Variants in GALNTL6 observed in about 807,000 individuals in gnomAD.
GALNTL6 encodes the protein polypeptide N-acetylgalactosaminyltransferase like 6, also known as polypeptide N-acetylgalactosaminyltransferase-like 6.
GALNTL6 carries 46 observed loss-of-function variants against 73.7 expected under a neutral mutation model. The ratio of observed to expected loss-of-function variants is 0.62; its 90% CI spans 0.49 to 0.80. The LOEUF (loss-of-function observed/expected upper bound fraction) is 0.80. GALNTL6 is among the 30% of genes least tolerant of loss of function. The pLI, the probability that GALNTL6 is intolerant of heterozygous loss-of-function variation, is 0.00. For synonymous variants in GALNTL6, 259 were observed against 263.7 expected (o/e 0.98, Z 0.17); for missense variants, 604 against 755.0 (o/e 0.80, Z 2.34).
At chr4:171,846,549 C>T (rs1735376045) in intron 2 of GALNTL6, among the ~76,000 whole-genome samples, 1 of 151,878 alleles carries the variant, frequency 6.6e-6, no homozygotes, top group Non-Finnish European at 1.5e-5. Context: ...TCACTTAACA[C>T]TTCATTTATT....
At chr4:172,090,205 G>A (rs1032053435) in intron 2 of GALNTL6, among the ~76,000 whole-genome samples, 4 of 152,056 alleles carry the variant, frequency 2.6e-5, no homozygotes, top group African/African-American at 9.7e-5. Flanking sequence ...TAATCCTTTG[G>A]ATATATACCC....
At chr4:172,215,726 A>G (rs1404085939) in intron 2 of GALNTL6, among the ~76,000 whole-genome samples, 2 of 152,142 alleles carry the variant, frequency 1.3e-5, no homozygotes, top group African/African-American at 2.4e-5. Flanking sequence ...AGTGCTATTA[A>G]TATGTTCACT....
chr4:172,312,570 A>T (rs1486169015), intron 4 of GALNTL6, among the ~76,000 whole-genome samples: 1 of 152,136 alleles, frequency 6.6e-6, no homozygotes, highest in African/African-American at 2.4e-5. Context: ...CAACAACCCA[A>T]AAACTTCCCT....
chr4:171,949,784 T>C (rs1738814701), intron 2 of GALNTL6, among the ~76,000 whole-genome samples: 1 of 152,106 alleles, frequency 6.6e-6, no homozygotes. Flanking sequence ...GTAAATGAAA[T>C]AGAAATTTTA....
chr4:172,674,634 CTA>C (rs368502455), intron 5 of GALNTL6, among the ~76,000 whole-genome samples: 1 of 152,204 alleles, frequency 6.6e-6, no homozygotes, highest in African/African-American at 2.4e-5. Flanking sequence ...TTCCATAATC[CTA>C]TGTTTCTTGG....
intron 5 of GALNTL6, among the ~76,000 whole-genome samples, chr4:172,628,586 C>A (rs1739260773): frequency 6.6e-6 from 1 of 151,956 alleles, no homozygotes; most frequent in African/African-American, 2.4e-5. Flanking sequence ...CTTGCCCTGG[C>A]CGTTTCTTTA....
chr4:171,965,376 G>T (rs1237765532), intron 2 of GALNTL6, among the ~76,000 whole-genome samples: 2 of 152,052 alleles, frequency 1.3e-5, no homozygotes, highest in Non-Finnish European at 2.9e-5. Context: ...GTCAATGGGG[G>T]CTGGGGGCAG....
At chr4:172,118,765 A>G (rs1733060752) in intron 2 of GALNTL6, among the ~76,000 whole-genome samples, 1 of 151,934 alleles carries the variant, frequency 6.6e-6, no homozygotes, top group South Asian at 2.1e-4. Context: ...ATAAAAGAAA[A>G]AAAAGAAAGG....
At chr4:172,976,679 T>C (rs977861000) in intron 10 of GALNTL6, among the ~76,000 whole-genome samples, 2 of 152,268 alleles carry the variant, frequency 1.3e-5, no homozygotes, top group African/African-American at 4.8e-5. Context: ...CTAAGATTGC[T>C]GACTCCCCAG....
At chr4:172,880,132 T>C (rs1047896780) in intron 7 of GALNTL6, among the ~76,000 whole-genome samples, 1 of 152,014 alleles carries the variant, frequency 6.6e-6, no homozygotes, top group Non-Finnish European at 1.5e-5. Flanking sequence ...TACTATATGA[T>C]CTAGTTATTC....
intron 5 of GALNTL6, among the ~76,000 whole-genome samples, chr4:172,393,226 A>G (rs1264792222): frequency 6.6e-6 from 1 of 152,128 alleles, no homozygotes; most frequent in Admixed American, 6.5e-5. Context: ...TTGTGATAGA[A>G]CATGTGAGTG....
chr4:172,819,192 C>T (rs1004246522), intron 7 of GALNTL6, among the ~76,000 whole-genome samples: 1 of 152,202 alleles, frequency 6.6e-6, no homozygotes, highest in Non-Finnish European at 1.5e-5. Flanking sequence ...AGTTGTAACA[C>T]TGTCACATGA....
intron 2 of GALNTL6, among the ~76,000 whole-genome samples, chr4:171,866,260 CATCAATTA>C (rs1322652860): frequency 6.6e-6 from 1 of 152,008 alleles, no homozygotes; most frequent in African/African-American, 2.4e-5. Flanking sequence ...TATAATTCAA[CATCAATTA>C]ATCAATTAAA....
At chr4:171,949,891 T>C (rs1307308878) in intron 2 of GALNTL6, among the ~76,000 whole-genome samples, 1 of 152,128 alleles carries the variant, frequency 6.6e-6, no homozygotes, top group Non-Finnish European at 1.5e-5. Flanking sequence ...TGTAAAAAGA[T>C]TTTAAAAAGG....
In GALNTL6 at chr4:172,809,396, C is replaced by T. The variant is rs760632165; in HGVS notation, c.589C>T (p.Arg197Ter). 7 of 1,613,700 alleles carry T rather than the reference C, an allele frequency of 4.3e-6. No homozygotes were observed. The highest frequency in any genetic ancestry group is 1.7e-5 in the Admixed American group (1 of 59,976). The change falls in exon 6 of 13, where the codon CGA becomes TGA. Residue 197 changes from arginine to a stop codon, truncating the protein, a stop_gained. Coordinates refer to ENST00000506823, the MANE Select transcript of GALNTL6 (RefSeq NM_001034845.3). LOFTEE classifies it high-confidence loss of function. This position sits in a 1 kb window ranked among gnomAD's most constrained non-coding sequence, Gnocchi z 4.4. ...LKDKLEEYMA[R>*]FSKVRIVRTK... is the part of the protein sequence containing the mutation. ...GGATAAATTGGAAGAATACATGGCC[C>T]GATTTTCCAAAGTGAGGATTGTTCG...
intron 11 of GALNTL6, among the ~76,000 whole-genome samples, chr4:173,014,709 G>A (rs1752705710): frequency 6.6e-6 from 1 of 152,144 alleles, no homozygotes; most frequent in African/African-American, 2.4e-5. Context: ...TCACAATCCA[G>A]ACAGAGAAAA....
chr4:171,994,223 A>T (rs931174448), intron 2 of GALNTL6, among the ~76,000 whole-genome samples: 1 of 152,224 alleles, frequency 6.6e-6, no homozygotes, highest in South Asian at 2.1e-4. Context: ...TTCAGACCAC[A>T]CCCAGACTGT....
chr4:172,857,866 T>C (rs1041728663), intron 7 of GALNTL6, among the ~76,000 whole-genome samples: 7 of 152,190 alleles, frequency 4.6e-5, no homozygotes, highest in African/African-American at 1.7e-4. Context: ...GTGTTTCATT[T>C]ACCGTGGTAG....
chr4:172,744,836 C>T (rs376923178), intron 5 of GALNTL6, among the ~76,000 whole-genome samples: 4 of 78,768 alleles, frequency 5.1e-5, no homozygotes, highest in African/African-American at 2.1e-4. Flanking sequence ...TAAGAGTGCG[C>T]GTGCGTGTGT....
Sources: gnomAD v4.1 joint callset for allele counts (sites outside exome capture counted in the v4.1 genomes callset) on GRCh38, gnomAD v4.1.1 for gene constraint, Gnocchi (gnomAD v3.1) non-coding constraint, MANE v1.5 for transcripts, NCBI Gene and HGNC (gene_info 2026-07-23, HGNC 2026-07-21) for gene names.